Variants in SLC35E1 observed in about 807,000 individuals in gnomAD.
The protein encoded by SLC35E1 is solute carrier family 35, member E1.
Under a neutral mutation model 31.0 loss-of-function variants are expected in SLC35E1, and 12 were observed. That is an observed-to-expected ratio of 0.39 (90% CI 0.25 to 0.63). The LOEUF is 0.63. Ranked by LOEUF, SLC35E1 falls within the 20% of genes least tolerant of loss-of-function variation. The pLI is 0.52. For synonymous variants in SLC35E1, 257 were observed against 264.1 expected (o/e 0.97, Z 0.26); for missense variants, 429 against 572.2 (o/e 0.75, Z 2.55).
At chr19:16,559,849 G>A (rs11667601) in intron 4 of SLC35E1, among the ~76,000 whole-genome samples, 19,594 of 151,936 alleles carry the variant, frequency 0.13, 1,320 homozygotes, top group Non-Finnish European at 0.15. Flanking sequence ...GAATTTCCTG[G>A]GTCTTCGTAA....
chr19:16,557,199 T>A (rs1376432827), intron 4 of SLC35E1: 4 of 155,568 alleles, frequency 2.6e-5, no homozygotes, highest in Middle Eastern at 3.3e-3. Context: ...ATTCCAGGCA[T>A]TTTTTTTTTT....
At chr19:16,563,983 G>A (rs1247397467) in intron 4 of SLC35E1, among the ~76,000 whole-genome samples, 2 of 152,178 alleles carry the variant, frequency 1.3e-5, no homozygotes, top group African/African-American at 4.8e-5. Context: ...GCAAAGATCT[G>A]GACTGTTCAA....
intron 1 of SLC35E1, 86 bp downstream of exon 1, chr19:16,571,858 G>T: frequency 7.3e-7 from 1 of 1,372,316 alleles, no homozygotes; most frequent in Non-Finnish European, 9.8e-7. Flanking sequence ...GGCGGGACGC[G>T]CCCCGGGCGG....
intron 4 of SLC35E1, among the ~76,000 whole-genome samples, chr19:16,558,273 A>C (rs1471871924): frequency 6.6e-6 from 1 of 151,860 alleles, no homozygotes; most frequent in Non-Finnish European, 1.5e-5. Context: ...CGAACTCCTG[A>C]CCTCAGGTGA....
rs771593626 is a variant in SLC35E1 at position 16,556,935 on chromosome 19, C to A, written c.757-1538G>T. 2.8e-5 allele frequency: 13 copies of A among 471,470 alleles called. No homozygotes were observed. In the Middle Eastern group the frequency reaches 1.9e-3, roughly 70 times the overall value. 29.2% of individuals were successfully genotyped at this position (471,470 alleles called of 1,614,324 possible). On this transcript the variant is annotated intron_variant, in intron 4 of 5. Transcript: ENST00000595753. Reference sequence around the variant, plus strand: ...CAAATCCATTTACCTGTGCCATACACCCTGCAGCTTCTGCGGGGAACCTCA... The same window carrying A: ...CAAATCCATTTACCTGTGCCATACAACCTGCAGCTTCTGCGGGGAACCTCA...
Position 16,553,664 on chromosome 19 carries a change from C to G in SLC35E1, c.*15G>C. On this transcript the variant is annotated 3_prime_UTR_variant, in exon 6 of 6. Transcript: ENST00000595753. ...GGGAAGGAGTCACCAACAGTCTGGT[C>G]CTGTCCTTTGGACTCTACACATCAT... 6.7e-7 allele frequency: 1 copy of G among 1,488,996 alleles called. No individual in the cohort carries two copies. The highest frequency in any genetic ancestry group is 9.0e-7 in the Non-Finnish European group (1 of 1,110,890). 92.2% of individuals were successfully genotyped at this position (1,488,996 alleles called of 1,614,324 possible). A position where few individuals can be genotyped will look rare whatever the true frequency, so the allele number is the denominator to read the frequency against.
intron 4 of SLC35E1, chr19:16,565,153 C>A (rs117296454): frequency 4.4e-6 from 2 of 456,452 alleles, no homozygotes; most frequent in Admixed American, 4.7e-5. Context: ...CAAAAAGATT[C>A]GACGTGGAGT....
chr19:16,570,071 G>C (rs548946926), intron 2 of SLC35E1, among the ~76,000 whole-genome samples: 1 of 152,216 alleles, frequency 6.6e-6, no homozygotes, highest in Non-Finnish European at 1.5e-5. Flanking sequence ...CAGGTTCCTA[G>C]AAGTTATGAT....
At chr19:16,560,583 C>T (rs563644920) in intron 4 of SLC35E1, among the ~76,000 whole-genome samples, 482 of 152,236 alleles carry the variant, frequency 3.2e-3, no homozygotes, top group Non-Finnish European at 5.4e-3. Context: ...AACAGACAGC[C>T]GGGCGTGCCG....
rs1258055651 is a variant in SLC35E1, at chr19:16,555,074, C to T, written c.1002+78G>A. On this transcript the variant is annotated intron_variant, in intron 5 of 5. Coordinates refer to ENST00000595753, the MANE Select transcript of SLC35E1 (RefSeq NM_024881.5). This position sits in a 1 kb window ranked among gnomAD's most constrained non-coding sequence, Gnocchi z 4.1. ...ACATACAACCCCAGCCTTGAGCGCC[C>T]GGGAGGCCCTTCCTTTTCTGACTTC... is the stretch of plus-strand genomic sequence containing the variant. The T allele has an allele frequency of 7.6e-6, 12 of 1,582,926 alleles. No homozygotes were observed. The highest frequency in any genetic ancestry group is 3.5e-5 in the Admixed American group (2 of 56,478).
intron 2 of SLC35E1, among the ~76,000 whole-genome samples, chr19:16,569,340 T>C (rs1481433708): frequency 6.6e-6 from 1 of 152,032 alleles, no homozygotes; most frequent in Non-Finnish European, 1.5e-5. Flanking sequence ...CCACTCTGTC[T>C]GTTACATCAT....
chr19:16,568,704 T>G (rs971651194), intron 2 of SLC35E1, among the ~76,000 whole-genome samples: 27 of 152,182 alleles, frequency 1.8e-4, no homozygotes, highest in African/African-American at 5.8e-4. Context: ...CCAATTTTTT[T>G]GTACTTTTAG....
chr19:16,556,069 G>T (rs1190111643), intron 4 of SLC35E1, among the ~76,000 whole-genome samples: 13 of 152,036 alleles, frequency 8.6e-5, no homozygotes, highest in Admixed American at 8.5e-4. Context: ...TACAAAATTG[G>T]TCGGGTGTGG....
chr19:16,551,756 T>C lies in SLC35E1; in HGVS notation c.*1923A>G, dbSNP rs1243630620. 1 of 149,448 alleles carries C rather than the reference T, an allele frequency of 6.7e-6. No individual in the cohort carries two copies. The highest frequency in any genetic ancestry group is 1.5e-5 in the Non-Finnish European group (1 of 67,488). The allele number at this position is 149,448 out of a possible 1,614,324, so 9.3% of individuals were successfully genotyped here. On this transcript the variant is annotated 3_prime_UTR_variant, in exon 6 of 6. Coordinates refer to ENST00000595753, the MANE Select transcript of SLC35E1 (RefSeq NM_024881.5). ...TGCCAAGACCCAAACTGATTCCTTTTTTTTTTTTTTTTTTTTGAGACAGAG... is the reference window on the plus strand; with the variant it reads ...TGCCAAGACCCAAACTGATTCCTTTCTTTTTTTTTTTTTTTTGAGACAGAG...
intron 4 of SLC35E1, among the ~76,000 whole-genome samples, chr19:16,558,769 G>GTTTT (rs560656652): frequency 7.6e-6 from 1 of 130,964 alleles, no homozygotes; most frequent in Non-Finnish European, 1.6e-5. Context: ...CATCCCTTGA[G>GTTTT]TTTTTTTTTT....
In SLC35E1 at chr19:16,551,750, TCC is replaced by T. The variant is rs1162164147; in HGVS notation, c.*1927_*1928del. ...GATTTCTGCCAAGACCCAAACTGAT[TCC>T]TTTTTTTTTTTTTTTTTTTTGAGAC... On this transcript the variant is annotated 3_prime_UTR_variant, in exon 6 of 6. Transcript: ENST00000595753. 1 of 149,104 alleles carries T rather than the reference TCC, an allele frequency of 6.7e-6. No individual in the cohort carries two copies. Among genetic ancestry groups the T allele is most frequent in the Non-Finnish European group, 1.5e-5 (1 of 67,826 alleles). The allele number at this position is 149,104 out of a possible 1,614,324, so 9.2% of individuals were successfully genotyped here.
chr19:16,561,213 C>CAAAA (rs59176175), intron 4 of SLC35E1, among the ~76,000 whole-genome samples: 680 of 24,716 alleles, frequency 0.028, 18 homozygotes, highest in Middle Eastern at 0.038. Flanking sequence ...GACTCCATCT[C>CAAAA]AAAAAAAAAA....
At chr19:16,561,240 A>AAAAAAAAAAAAAAAAAAAG (rs1568273090) in intron 4 of SLC35E1, among the ~76,000 whole-genome samples, 1 of 128,764 alleles carries the variant, frequency 7.8e-6, no homozygotes. Context: ...AAAAAAAAAA[A>AAAAAAAAAAAAAAAAAAAG]AAAGAAAGAA....
intron 3 of SLC35E1, among the ~76,000 whole-genome samples, chr19:16,567,040 A>G (rs548743313): frequency 6.6e-6 from 1 of 152,382 alleles, no homozygotes; most frequent in East Asian, 1.9e-4. Context: ...AGCCTATCAT[A>G]ATGAAATAAC....
Sources: allele counts gnomAD v4.1 joint callset (sites outside exome capture counted in the v4.1 genomes callset), GRCh38; gene constraint gnomAD v4.1.1; non-coding constraint Gnocchi (gnomAD v3.1); transcripts MANE v1.5; gene names NCBI Gene and HGNC (gene_info 2026-07-23, HGNC 2026-07-21).